RIPOR2: variants seen among roughly 807,000 people sequenced by gnomAD.
RIPOR2 encodes rho family-interacting cell polarization regulator 2.
A neutral mutation model predicts 114.5 loss-of-function variants in RIPOR2; 39 were observed. The ratio of observed to expected loss-of-function variants is 0.34; its 90% CI spans 0.26 to 0.44. RIPOR2 has a LOEUF of 0.44. Ranked by LOEUF, RIPOR2 falls within the 20% of genes least tolerant of loss-of-function variation. The pLI is 1.00. For missense variants in RIPOR2, 1,007 were observed against 1,255.1 expected, an observed-to-expected ratio of 0.80 and a Z score of 2.99; for synonymous variants, 445 against 484.4, an observed-to-expected ratio of 0.92 and a Z score of 1.07.
intron 4 of RIPOR2, 128 bp downstream of exon 4, chr6:24,872,753 G>T: frequency 1.7e-6 from 1 of 598,284 alleles, no homozygotes; most frequent in Non-Finnish European, 3.0e-6. Context: ...ACATACTGGG[G>T]GATGCAGATA....
Position 24,946,568 on chromosome 6 carries a change from G to A in RIPOR2, c.77-70751C>T, listed in dbSNP as rs189836917. Among the ~76,000 whole-genome samples, 737 of 152,088 alleles carry A rather than the reference G, an allele frequency of 4.8e-3. 6 individuals are homozygous for A. The highest frequency in any genetic ancestry group is 0.017 in the African/African-American group (693 of 41,492). On this transcript the variant is annotated intron_variant, in intron 1 of 13. Coordinates refer to the RIPOR2 transcript ENST00000510784. Reference sequence around the variant, plus strand: ...AACCTGGGCAACAAAGCAAGACTCCGTCTCAAAAAATAAATAAATAAAATA... The same window carrying A: ...AACCTGGGCAACAAAGCAAGACTCCATCTCAAAAAATAAATAAATAAAATA...
Position 24,906,334 on chromosome 6 carries a change from T to A in RIPOR2, c.61+29504A>T, listed in dbSNP as rs187485500. 1.3e-3 allele frequency among the ~76,000 whole-genome samples: 202 copies of A among 152,334 alleles called. 5 individuals carry two copies. The highest frequency in any genetic ancestry group is 0.012 in the Admixed American group (180 of 15,306). ...TTCAGGGAGCTCACAGTCTTCCTAG[T>A]CTTTTTGTCTGGTAAATAGTCCCTT... is the stretch of plus-strand genomic sequence containing the variant. On this transcript the variant is annotated intron_variant, in intron 1 of 21. Coordinates refer to ENST00000643898, the MANE Select transcript of RIPOR2 (RefSeq NM_001286445.3).
At chr6:25,013,138 T>C (rs761077472) in intron 1 of RIPOR2, among the ~76,000 whole-genome samples, 24 of 152,170 alleles carry the variant, frequency 1.6e-4, no homozygotes, top group Non-Finnish European at 2.8e-4. Flanking sequence ...ACAGCTGTCA[T>C]TGATGTTCAG....
In RIPOR2 at chr6:24,850,742, G is replaced by A. The variant is rs1762806384; in HGVS notation, c.760-20C>T. 1.9e-6 allele frequency: 3 copies of A among 1,612,920 alleles called. No homozygotes were observed. Among genetic ancestry groups the A allele is most frequent in the Admixed American group, 3.3e-5 (2 of 59,980 alleles). On this transcript the variant is annotated intron_variant, in intron 9 of 21. Coordinates refer to ENST00000643898, the MANE Select transcript of RIPOR2 (RefSeq NM_001286445.3). ...GAAAATCTGGAGAGGAGACATCCAA[G>A]GGCCTTCATGTCTTGCCACCCCCTC...
At chr6:24,831,671 G>A (rs1003110207) in intron 16 of RIPOR2, among the ~76,000 whole-genome samples, 11 of 152,152 alleles carry the variant, frequency 7.2e-5, no homozygotes, top group African/African-American at 2.4e-4. Flanking sequence ...GAGATTATCT[G>A]GAAGACCCTG....
At chr6:24,931,558 A>G (rs755192649) in intron 1 of RIPOR2, among the ~76,000 whole-genome samples, 6 of 152,212 alleles carry the variant, frequency 3.9e-5, no homozygotes, top group Non-Finnish European at 7.3e-5. Context: ...ACTTTCTCAG[A>G]CACAGTTATC....
intron 1 of RIPOR2, among the ~76,000 whole-genome samples, chr6:24,990,028 A>G (rs1228886585): frequency 4.0e-5 from 6 of 151,728 alleles, no homozygotes; most frequent in Non-Finnish European, 8.8e-5. Flanking sequence ...GAGTCTCAAA[A>G]AATAAAAATA....
chr6:24,856,552 C>T (rs1231552634), intron 8 of RIPOR2, among the ~76,000 whole-genome samples: 2 of 152,052 alleles, frequency 1.3e-5, no homozygotes, highest in Non-Finnish European at 2.9e-5. Flanking sequence ...GTCAGGAGTT[C>T]GTGACCAGCC....
At chr6:24,940,288 T>C (rs1772055649), upstream of RIPOR2, among the ~76,000 whole-genome samples, 2 of 152,172 alleles carry the variant, frequency 1.3e-5, no homozygotes, top group African/African-American at 4.8e-5. Flanking sequence ...ACATCCAACG[T>C]GGGCTTTTAT....
At chr6:24,979,942 A>G (rs1374264407) in intron 1 of RIPOR2, among the ~76,000 whole-genome samples, 1 of 152,244 alleles carries the variant, frequency 6.6e-6, no homozygotes, top group Non-Finnish European at 1.5e-5. Context: ...GTAGGAACTT[A>G]ATAAATTATA....
At chr6:25,031,769 A>G (rs1017964280) in intron 1 of RIPOR2, among the ~76,000 whole-genome samples, 5 of 127,276 alleles carry the variant, frequency 3.9e-5, no homozygotes, top group African/African-American at 1.2e-4. Context: ...CATAGAATAT[A>G]TATATATTCT....
chr6:24,890,853 G>A (rs1767283293), intron 1 of RIPOR2, among the ~76,000 whole-genome samples: 2 of 68 alleles, frequency 0.029, no homozygotes, highest in Admixed American at 0.25. Context: ...ATAGGGTCTT[G>A]CTATTTTGCC....
At chr6:24,824,489 A>T (rs189219144) in intron 19 of RIPOR2, among the ~76,000 whole-genome samples, 2 of 152,262 alleles carry the variant, frequency 1.3e-5, no homozygotes. Context: ...TTTTGATGAG[A>T]GTTAGTTTTT....
At chr6:24,973,379 G>A (rs1394150094) in intron 1 of RIPOR2, among the ~76,000 whole-genome samples, 1 of 152,000 alleles carries the variant, frequency 6.6e-6, no homozygotes, top group Admixed American at 6.6e-5. Context: ...GAGGCGGGTG[G>A]ATCACAAGGT....
chr6:24,945,562 A>G lies in RIPOR2; in HGVS notation c.77-69745T>C, dbSNP rs117096864. Among the ~76,000 whole-genome samples, 45 of 152,342 alleles carry G rather than the reference A, an allele frequency of 3.0e-4. 1 individual carries two copies. In the East Asian group the frequency reaches 8.7e-3, roughly 29 times the overall value. On this transcript the variant is annotated intron_variant, in intron 1 of 13. Coordinates refer to the RIPOR2 transcript ENST00000510784. ...TAATTATACATCTGTGTTGACGGGC[A>G]TATAATATATAAAGGTGTAATTTGT...
intron 15 of RIPOR2, among the ~76,000 whole-genome samples, chr6:24,834,444 T>C (rs1282299070): frequency 1.3e-5 from 2 of 152,108 alleles, no homozygotes; most frequent in African/African-American, 4.8e-5. Context: ...TTCTGCACCC[T>C]TCCTGCTTGG....
Position 24,806,271 on chromosome 6 carries a change from G to T in RIPOR2, c.*102C>A, listed in dbSNP as rs1166016285. The T allele has an allele frequency of 2.5e-6, 2 of 808,848 alleles. No individual in the cohort carries two copies. The highest frequency in any genetic ancestry group is 3.5e-5 in the African/African-American group (2 of 57,410). The allele number at this position is 808,848 out of a possible 1,614,324, so 50.1% of individuals were successfully genotyped here. A position where few individuals can be genotyped will look rare whatever the true frequency, so the allele number is the denominator to read the frequency against. ...CCTGGCCTACATTTTTATTTCAGTT[G>T]TCGTGTCTCTCAGGCTCTAAACAAT... On this transcript the variant is annotated 3_prime_UTR_variant, in exon 22 of 22. Transcript: ENST00000643898.
intron 13 of RIPOR2, chr6:24,839,753 G>T (rs1761469191): frequency 4.2e-6 from 6 of 1,432,000 alleles, no homozygotes; most frequent in Non-Finnish European, 5.4e-6. Flanking sequence ...CAAATTTTAA[G>T]TCAGTGAGTC....
At chr6:24,902,028 A>T (rs1768500328) in intron 1 of RIPOR2, among the ~76,000 whole-genome samples, 1 of 152,082 alleles carries the variant, frequency 6.6e-6, no homozygotes, top group African/African-American at 2.4e-5. Context: ...CCTTGAACTT[A>T]AACTTGAGGA....
Sources: allele counts gnomAD v4.1 joint callset (sites outside exome capture counted in the v4.1 genomes callset), GRCh38; gene constraint gnomAD v4.1.1; transcripts MANE v1.5; gene names NCBI Gene and HGNC (gene_info 2026-07-23, HGNC 2026-07-21).